WWOX: variants seen among roughly 807,000 people sequenced by gnomAD.
WWOX encodes the protein WW domain-containing oxidoreductase.
WWOX carries 69 observed loss-of-function variants against 46.2 expected under a neutral mutation model. The ratio of observed to expected loss-of-function variants is 1.49; its 90% CI spans 1.23 to 1.82. The LOEUF (loss-of-function observed/expected upper bound fraction) is 1.82, where lower values mean the gene tolerates loss of function less well. Ranked by LOEUF, WWOX falls within the 40% of genes most tolerant of loss-of-function variation. The pLI is 0.00. For synonymous variants in WWOX, 359 were observed against 202.6 expected (o/e 1.77, Z -6.56); for missense variants, 919 against 542.6 (o/e 1.69, Z -6.89).
intron 6 of WWOX, among the ~76,000 whole-genome samples, chr16:78,412,198 G>T (rs966938302): frequency 1.3e-5 from 2 of 152,148 alleles, no homozygotes; most frequent in African/African-American, 4.8e-5. Context: ...GAGAAGATGG[G>T]ATAGCACATT....
chr16:78,542,653 T>C (rs2043926563), intron 8 of WWOX, among the ~76,000 whole-genome samples: 1 of 152,210 alleles, frequency 6.6e-6, no homozygotes, highest in Non-Finnish European at 1.5e-5. Context: ...AGAGTTGTGC[T>C]CAACTGTGAT....
At chr16:78,771,033 G>T (rs548927009) in intron 8 of WWOX, among the ~76,000 whole-genome samples, 1 of 152,358 alleles carries the variant, frequency 6.6e-6, no homozygotes, top group African/African-American at 2.4e-5. Flanking sequence ...ATTCTAGGCA[G>T]AAGGAACCGC....
intron 8 of WWOX, among the ~76,000 whole-genome samples, chr16:78,703,543 C>G (rs1263051072): frequency 6.6e-6 from 1 of 151,956 alleles, no homozygotes; most frequent in African/African-American, 2.4e-5. Context: ...CCCTTGAGTC[C>G]AGGAGTTTGA....
At chr16:78,489,290 C>A (rs1234805889) in intron 8 of WWOX, among the ~76,000 whole-genome samples, 2 of 152,142 alleles carry the variant, frequency 1.3e-5, no homozygotes, top group African/African-American at 2.4e-5. Flanking sequence ...GATGTTCTCT[C>A]CAGACCCCCA....
At chr16:78,491,358 T>C (rs2084779789) in intron 8 of WWOX, among the ~76,000 whole-genome samples, 1 of 152,226 alleles carries the variant, frequency 6.6e-6, no homozygotes, top group Non-Finnish European at 1.5e-5. Context: ...TGTTTAACCT[T>C]GGCCTGACAA....
intron 8 of WWOX, among the ~76,000 whole-genome samples, chr16:79,038,199 T>C (rs543536153): frequency 6.6e-6 from 1 of 152,294 alleles, no homozygotes; most frequent in South Asian, 2.1e-4. Flanking sequence ...GCTCACACCC[T>C]GTTGGCCCTT....
Position 78,397,919 on chromosome 16 carries a change from A to G in WWOX, c.605+10971A>G, listed in dbSNP as rs142802521. Among the ~76,000 whole-genome samples the G allele has an allele frequency of 1.4e-3, 214 of 152,320 alleles. 2 individuals are homozygous for G. Among genetic ancestry groups the G allele is most frequent in the African/African-American group, 4.9e-3 (205 of 41,564 alleles). ...GAAGAGATTCTCGTCCGCTCAGTTA[A>G]GGTACTCAGACTATTTTCCAACCAA... On this transcript the variant is annotated intron_variant, in intron 6 of 8. Coordinates refer to ENST00000566780, the MANE Select transcript of WWOX (RefSeq NM_016373.4).
intron 8 of WWOX, among the ~76,000 whole-genome samples, chr16:78,666,456 A>G (rs374784695): frequency 3.2e-4 from 48 of 152,266 alleles, no homozygotes; most frequent in African/African-American, 1.1e-3. Flanking sequence ...CTTACAGCCT[A>G]TTTTTACAAA....
intron 4 of WWOX, among the ~76,000 whole-genome samples, chr16:78,157,160 A>T (rs2034633655): frequency 6.6e-6 from 1 of 152,136 alleles, no homozygotes; most frequent in South Asian, 2.1e-4. Flanking sequence ...AGGGACCCAC[A>T]GTCCACCATT....
chr16:78,772,990 GCTCC>G (rs1042101502), intron 8 of WWOX, among the ~76,000 whole-genome samples: 4 of 152,254 alleles, frequency 2.6e-5, no homozygotes, highest in Admixed American at 2.6e-4. Flanking sequence ...ATGCCGCTGT[GCTCC>G]AGCCTGGGCA....
Position 78,634,811 on chromosome 16 carries a change from G to GGAGAGAGAGA in WWOX, c.1056+202077_1056+202086dup, listed in dbSNP as rs541433739. Among the ~76,000 whole-genome samples, 979 of 127,746 alleles carry GGAGAGAGAGA rather than the reference G, an allele frequency of 7.7e-3. 14 individuals carry two copies. The highest frequency in any genetic ancestry group is 0.028 in the African/African-American group (909 of 32,944). 83.8% of individuals were successfully genotyped at this position (127,746 alleles called of 152,430 possible). On this transcript the variant is annotated intron_variant, in intron 8 of 8. Transcript: ENST00000566780. ...TAGTTTAGAGGCTCAGCACCCGACT[G>GGAGAGAGAGA]GAGAGAGAGAGAGAGAGAGAGAGAG...
At chr16:78,321,891 C>G (rs1269220083) in intron 5 of WWOX, among the ~76,000 whole-genome samples, 1 of 152,136 alleles carries the variant, frequency 6.6e-6, no homozygotes, top group Admixed American at 6.6e-5. Flanking sequence ...GTGACATGCG[C>G]TCTTCCCAAC....
At chr16:78,368,846 C>T (rs777260830) in intron 5 of WWOX, among the ~76,000 whole-genome samples, 7 of 152,186 alleles carry the variant, frequency 4.6e-5, no homozygotes, top group African/African-American at 1.7e-4. Context: ...GGCCCTGTGC[C>T]GGTGCCCAAA....
chr16:78,763,781 C>G (rs1006966430), intron 8 of WWOX, among the ~76,000 whole-genome samples: 5 of 152,196 alleles, frequency 3.3e-5, no homozygotes, highest in Admixed American at 1.3e-4. Flanking sequence ...CTTAATTTCT[C>G]CAGCATTCAG....
At chr16:78,457,308 A>G (rs1228683359) in intron 8 of WWOX, among the ~76,000 whole-genome samples, 17 of 152,222 alleles carry the variant, frequency 1.1e-4, no homozygotes, top group Admixed American at 1.1e-3. Flanking sequence ...AAGCAGCAAG[A>G]AGTCTTTTCA....
chr16:79,030,835 C>T lies in WWOX; in HGVS notation c.1057-180773C>T, dbSNP rs1284676265. On this transcript the variant is annotated intron_variant, in intron 8 of 8. Transcript: ENST00000566780. The stretch of plus-strand genomic sequence containing the variant: ...TGGTGCCTCATTCCTGTAATTCTAG[C>T]ACTTTGGGAGGCTGAGGCAGGAGGA... 5.9e-5 allele frequency among the ~76,000 whole-genome samples: 9 copies of T among 152,236 alleles called. No individual in the cohort carries two copies. In the South Asian group the frequency reaches 6.2e-4, roughly 11 times the overall value.
chr16:78,117,248 A>G (rs372336350), intron 4 of WWOX, among the ~76,000 whole-genome samples: 5 of 152,026 alleles, frequency 3.3e-5, no homozygotes, highest in African/African-American at 1.2e-4. Flanking sequence ...GTTGTGGCAA[A>G]TTGTAACGCT....
Position 78,771,047 on chromosome 16 carries a change from T to A in WWOX, c.1056+338295T>A, listed in dbSNP as rs376845813. Among the ~76,000 whole-genome samples, 35 of 152,308 alleles carry A rather than the reference T, an allele frequency of 2.3e-4. No individual in the cohort carries two copies. The East Asian group carries it at 3.9e-3, about 17-fold the overall frequency. On this transcript the variant is annotated intron_variant, in intron 8 of 8. Transcript: ENST00000566780. ...CATTCTAGGCAGAAGGAACCGCACG[T>A]GCAAAGGCCCTCAGGTCAGCCGGCA... is the stretch of plus-strand genomic sequence containing the variant.
At chr16:78,749,162 G>A (rs1056159778) in intron 8 of WWOX, among the ~76,000 whole-genome samples, 4 of 152,276 alleles carry the variant, frequency 2.6e-5, no homozygotes, top group African/African-American at 9.6e-5. Context: ...TGGGTACGCA[G>A]ATAAAACATG....
Sources: allele counts gnomAD v4.1 joint callset (sites outside exome capture counted in the v4.1 genomes callset), GRCh38; gene constraint gnomAD v4.1.1; transcripts MANE v1.5; gene names NCBI Gene and HGNC (gene_info 2026-07-23, HGNC 2026-07-21).